The following FOXL1 variants were observed in gnomAD, a reference collection of about 807,000 sequenced individuals.
FOXL1 encodes forkhead box protein L1.
FOXL1 carries 2 observed loss-of-function variants against 1.7 expected under a neutral mutation model. That is an observed-to-expected ratio of 1.21 (90% CI 0.49 to 3.80). The LOEUF is 3.80. FOXL1 is among the 30% of genes most tolerant of loss of function. The probability of loss-of-function intolerance (pLI) is 0.07; values close to 1 mark genes in which losing one functional copy is unlikely to be tolerated. For synonymous variants in FOXL1, 280 were observed against 229.3 expected (o/e 1.22, Z -2.00); for missense variants, 565 against 495.8 (o/e 1.14, Z -1.32).
At position 86,582,597 on chromosome 16, in the gene FOXL1, A is replaced by G. The variant is rs939548096; in HGVS notation, c.*2836A>G. On this transcript the variant is annotated 3_prime_UTR_variant, in exon 1 of 1. Transcript: ENST00000320241. ...TATGGCAGGCACATGTTTGATAACA[A>G]AGTGTGTATACATATGTACACGTTT... 7.9e-5 allele frequency among the ~76,000 whole-genome samples: 12 copies of G among 152,116 alleles called. No individual in the cohort carries two copies. The highest frequency in any genetic ancestry group is 7.2e-4 in the Admixed American group (11 of 15,264).
At position 86,578,695 on chromosome 16, in the gene FOXL1, G is replaced by A. The variant is rs1321082691; in HGVS notation, c.-29G>A. ...AGGCCGCCCGGGTCTCCTGCGTTGC[G>A]GGGAGCGCAGCGCAGGCTCTCGCTT... On this transcript the variant is annotated 5_prime_UTR_variant, in exon 1 of 1. Transcript: ENST00000320241. 6 of 1,565,796 alleles carry A rather than the reference G, an allele frequency of 3.8e-6. No individual in the cohort carries two copies. The highest frequency in any genetic ancestry group is 5.2e-6 in the Non-Finnish European group (6 of 1,153,564).
rs370452719 is a variant in FOXL1 at position 86,579,786 on chromosome 16, C to G, written c.*25C>G. 3 of 1,594,156 alleles carry G rather than the reference C, an allele frequency of 1.9e-6. No individual in the cohort carries two copies. The African/African-American group carries it at 4.0e-5, about 21-fold the overall frequency. The stretch of plus-strand genomic sequence containing the variant: ...AAGCAAACAATGGCACGGTTCTTCT[C>G]CCGGCCCAGCCTGAGCCTCCGCTGA... On this transcript the variant is annotated 3_prime_UTR_variant, in exon 1 of 1. Coordinates refer to ENST00000320241, the MANE Select transcript of FOXL1 (RefSeq NM_005250.3).
In FOXL1 at chr16:86,579,305, G is replaced by T. The variant is rs941955968; in HGVS notation, c.582G>T (p.Ser194=). 104 of 1,260,652 alleles carry T rather than the reference G, an allele frequency of 8.2e-5. No homozygotes were observed. The highest frequency in any genetic ancestry group is 3.8e-4 in the Admixed American group (11 of 29,112). 78.1% of individuals were successfully genotyped at this position (1,260,652 alleles called of 1,614,324 possible). A position where few individuals can be genotyped will look rare whatever the true frequency, so the allele number is the denominator to read the frequency against. ...SRLQAAPAGP[S]PLLDGPSPPA... ...TGCAGGCAGCGCCCGCGGGCCCCTC[G>T]CCCCTCCTGGACGGCCCCTCTCCGC... The change falls in exon 1 of 1, where the codon TCG becomes TCT. Residue 194 remains serine (S), a synonymous_variant. Transcript: ENST00000320241.
In FOXL1 at chr16:86,583,382, T is replaced by C. The variant is rs1974435445; in HGVS notation, c.*3621T>C. Among the ~76,000 whole-genome samples, 1 of 152,132 alleles carries C rather than the reference T, an allele frequency of 6.6e-6. No individual in the cohort carries two copies. The highest frequency in any genetic ancestry group is 1.5e-5 in the Non-Finnish European group (1 of 68,028). On this transcript the variant is annotated 3_prime_UTR_variant, in exon 1 of 1. Coordinates refer to ENST00000320241, the MANE Select transcript of FOXL1 (RefSeq NM_005250.3). Reference sequence around the variant, plus strand: ...TGGCTTCATGGTGGATGGAGTCTTGTTTCCATGAAATAAAGGTTGTTTCAT... The same window carrying C: ...TGGCTTCATGGTGGATGGAGTCTTGCTTCCATGAAATAAAGGTTGTTTCAT...
rs1974388693 is a variant in FOXL1 at position 86,579,723 on chromosome 16, C to A, written c.1000C>A (p.Pro334Thr). 1 of 1,613,752 alleles carries A rather than the reference C, an allele frequency of 6.2e-7. No homozygotes were observed. The highest frequency in any genetic ancestry group is 1.3e-5 in the African/African-American group (1 of 75,060). Residue 334 changes from proline (P) to threonine (T), a missense_variant, in exon 1 of 1, where the codon CCC becomes ACC. By Grantham distance (38) the Pro-to-Thr change is conservative. Transcript: ENST00000320241. ...QLGIPFLSYF[P>T]LQVPDTVLHF... is the part of the protein sequence containing the mutation. ...CGGGATCCCCTTCCTCTCTTATTTC[C>A]CCCTGCAGGTTCCCGACACGGTACT...
At position 86,581,601 on chromosome 16, in the gene FOXL1, G is replaced by A. The variant is rs1056768909; in HGVS notation, c.*1840G>A. 1 of 167,124 alleles carries A rather than the reference G, an allele frequency of 6.0e-6. No homozygotes were observed. Among genetic ancestry groups the A allele is most frequent in the Non-Finnish European group, 1.5e-5 (1 of 68,130 alleles). The allele number at this position is 167,124 out of a possible 1,614,324, so 10.4% of individuals were successfully genotyped here. A position where few individuals can be genotyped will look rare whatever the true frequency, so the allele number is the denominator to read the frequency against. On this transcript the variant is annotated 3_prime_UTR_variant, in exon 1 of 1. Transcript: ENST00000320241. ...CATTGCTGAGATCCAGGCTCACTGT[G>A]ATTCACTGAAAATGTAGCGAAAGGG...
chr16:86,579,705 C>G lies in FOXL1; in HGVS notation c.982C>G (p.Pro328Ala). 1.2e-6 allele frequency: 2 copies of G among 1,605,218 alleles called. No individual in the cohort carries two copies. Among genetic ancestry groups the G allele is most frequent in the Non-Finnish European group, 1.7e-6 (2 of 1,172,522 alleles). Reference sequence around the variant, plus strand: ...GGGCGGCTTTTACCAGCTCGGGATCCCCTTCCTCTCTTATTTCCCCCTGCA... The same window carrying G: ...GGGCGGCTTTTACCAGCTCGGGATCGCCTTCCTCTCTTATTTCCCCCTGCA... ...VQGGFYQLGI[P>A]FLSYFPLQVP... The change falls in exon 1 of 1, where the codon CCC becomes GCC. Residue 328 changes from proline to alanine, a missense_variant. Pro to Ala is a conservative substitution (Grantham distance 27). Coordinates refer to ENST00000320241, the MANE Select transcript of FOXL1 (RefSeq NM_005250.3).
Position 86,579,058 on chromosome 16 carries a change from G to C in FOXL1, c.335G>C (p.Arg112Pro). The C allele has an allele frequency of 6.2e-7, 1 of 1,613,994 alleles. No individual in the cohort carries two copies. Among genetic ancestry groups the C allele is most frequent in the Non-Finnish European group, 8.5e-7 (1 of 1,179,950 alleles). The change falls in exon 1 of 1, where the codon CGC (arginine) becomes CCC (proline). Residue 112 changes from arginine to proline, a missense_variant. Coordinates refer to ENST00000320241, the MANE Select transcript of FOXL1 (RefSeq NM_005250.3). ...AACGACTGCTTCGTCAAGGTGCCCCGCGAGAAAGGGCGGCCGGGCAAGGGC... is the reference window on the plus strand; with the variant it reads ...AACGACTGCTTCGTCAAGGTGCCCCCCGAGAAAGGGCGGCCGGGCAAGGGC... Reference protein sequence around the residue: ...SLNDCFVKVPREKGRPGKGSY... With the variant: ...SLNDCFVKVPPEKGRPGKGSY...
At position 86,582,570 on chromosome 16, in the gene FOXL1, G is replaced by GAT. The variant is rs112822898; in HGVS notation, c.*2812_*2813dup. ...ATATGAGTGCACTGATCATAATGAGGATATGGCAGGCACATGTTTGATAAC... is the reference window on the plus strand; with the variant it reads ...ATATGAGTGCACTGATCATAATGAGGATATATGGCAGGCACATGTTTGATAAC... On this transcript the variant is annotated 3_prime_UTR_variant, in exon 1 of 1. Coordinates refer to ENST00000320241, the MANE Select transcript of FOXL1 (RefSeq NM_005250.3). Among the ~76,000 whole-genome samples the GAT allele has an allele frequency of 9.5e-4, 145 of 152,100 alleles. No homozygotes were observed. Among genetic ancestry groups the GAT allele is most frequent in the African/African-American group, 3.3e-3 (137 of 41,486 alleles).
Position 86,582,278 on chromosome 16 carries a change from C to A in FOXL1, c.*2517C>A, listed in dbSNP as rs1372804755. ...CCAAAAAGAGGAGGTTTGGGTCTTACCAATCCGAATAGCTGTTCTATTGAT... is the reference window on the plus strand; with the variant it reads ...CCAAAAAGAGGAGGTTTGGGTCTTAACAATCCGAATAGCTGTTCTATTGAT... On this transcript the variant is annotated 3_prime_UTR_variant, in exon 1 of 1. Coordinates refer to ENST00000320241, the MANE Select transcript of FOXL1 (RefSeq NM_005250.3). 2 of 152,152 alleles carry A rather than the reference C, an allele frequency of 1.3e-5. No individual in the cohort carries two copies. The highest frequency in any genetic ancestry group is 2.9e-5 in the Non-Finnish European group (2 of 68,030). 9.4% of individuals were successfully genotyped at this position (152,152 alleles called of 1,614,324 possible). A position where few individuals can be genotyped will look rare whatever the true frequency, so the allele number is the denominator to read the frequency against.
rs1278269048 is a variant in FOXL1, at chr16:86,578,832, G to A, written c.109G>A (p.Ala37Thr). The change falls in exon 1 of 1, where the codon GCT becomes ACT. Residue 37 changes from alanine to threonine, a missense_variant. Coordinates refer to ENST00000320241, the MANE Select transcript of FOXL1 (RefSeq NM_005250.3). ...CCCTCTGGCCTTCGCCCCCGCGGCT[G>A]CTCTAGCTGCCTCGGGCCGGGCCGA... ...GLPLAFAPAAALAASGRAETP... is the reference protein window; with the variant it reads ...GLPLAFAPAATLAASGRAETP... 5.0e-6 allele frequency: 8 copies of A among 1,613,714 alleles called. No individual in the cohort carries two copies. The East Asian group carries it at 8.9e-5, about 18-fold the overall frequency.
rs1455820389 is a variant in FOXL1 at position 86,582,592 on chromosome 16, TAAC to T, written c.*2834_*2836del. On this transcript the variant is annotated 3_prime_UTR_variant, in exon 1 of 1. Transcript: ENST00000320241. Reference sequence around the variant, plus strand: ...GAGGATATGGCAGGCACATGTTTGATAACAAAGTGTGTATACATATGTACACGT... The same window carrying T: ...GAGGATATGGCAGGCACATGTTTGATAAAGTGTGTATACATATGTACACGT... Among the ~76,000 whole-genome samples the T allele has an allele frequency of 3.3e-5, 5 of 152,178 alleles. No individual in the cohort carries two copies. The highest frequency in any genetic ancestry group is 9.7e-5 in the African/African-American group (4 of 41,444).
At position 86,579,245 on chromosome 16, in the gene FOXL1, C is replaced by T. The variant is rs749927112; in HGVS notation, c.522C>T (p.Ser174=). ...RSAEAQPEAG[S]GAGGSGPAIS... ...CGGAGGCGCAGCCGGAGGCGGGGAGCGGGGCAGGGGGCTCGGGCCCCGCAA... is the reference window on the plus strand; with the variant it reads ...CGGAGGCGCAGCCGGAGGCGGGGAGTGGGGCAGGGGGCTCGGGCCCCGCAA... The change falls in exon 1 of 1, where the codon AGC becomes AGT. Residue 174 remains serine (S), a synonymous_variant. Transcript: ENST00000320241. 2.7e-6 allele frequency: 4 copies of T among 1,507,724 alleles called. No homozygotes were observed. The highest frequency in any genetic ancestry group is 3.5e-6 in the Non-Finnish European group (4 of 1,132,868). The allele number at this position is 1,507,724 out of a possible 1,614,324, so 93.4% of individuals were successfully genotyped here.
rs763736974 is a variant in FOXL1 at position 86,579,226 on chromosome 16, C to G, written c.503C>G (p.Ala168Gly). ...GAGACGCACCAGCGCAGCGCGGAGG[C>G]GCAGCCGGAGGCGGGGAGCGGGGCA... ...RAETHQRSAE[A>G]QPEAGSGAGG... Residue 168 changes from alanine (A) to glycine (G), a missense_variant, in exon 1 of 1, where the codon GCG becomes GGG. Ala to Gly is a moderately conservative substitution (Grantham distance 60). Transcript: ENST00000320241. 2 of 1,539,380 alleles carry G rather than the reference C, an allele frequency of 1.3e-6. No homozygotes were observed. The highest frequency in any genetic ancestry group is 2.1e-5 in the Admixed American group (1 of 48,090).
At position 86,582,835 on chromosome 16, in the gene FOXL1, T is replaced by C. The variant is rs930798534; in HGVS notation, c.*3074T>C. On this transcript the variant is annotated 3_prime_UTR_variant, in exon 1 of 1. Coordinates refer to ENST00000320241, the MANE Select transcript of FOXL1 (RefSeq NM_005250.3). ...TTAAAAATAGATAATAATTTCTATATAGCTTTAATAGTTTTGTTTCTCTAT... is the reference window on the plus strand; with the variant it reads ...TTAAAAATAGATAATAATTTCTATACAGCTTTAATAGTTTTGTTTCTCTAT... 4.6e-5 allele frequency among the ~76,000 whole-genome samples: 7 copies of C among 152,050 alleles called. No homozygotes were observed. In the East Asian group the frequency reaches 1.2e-3, roughly 25 times the overall value.
In FOXL1 at chr16:86,579,756, C is replaced by A. The variant is rs919070291; in HGVS notation, c.1033C>A (p.Gln345Lys). 1.9e-6 allele frequency: 3 copies of A among 1,611,828 alleles called. No individual in the cohort carries two copies. The highest frequency in any genetic ancestry group is 1.7e-4 in the Middle Eastern group (1 of 6,054). The change falls in exon 1 of 1, where the codon CAG becomes AAG. Residue 345 changes from glutamine (Q) to lysine (K), a missense_variant. By Grantham distance (53) the Gln-to-Lys change is moderately conservative. Coordinates refer to ENST00000320241, the MANE Select transcript of FOXL1 (RefSeq NM_005250.3). ...GGTTCCCGACACGGTACTCCACTTCCAGTAAAGCAAACAATGGCACGGTTC... is the reference window on the plus strand; with the variant it reads ...GGTTCCCGACACGGTACTCCACTTCAAGTAAAGCAAACAATGGCACGGTTC... ...LQVPDTVLHF[Q>K]
chr16:86,581,450 C>G lies in FOXL1; in HGVS notation c.*1689C>G, dbSNP rs989815237. ...GGATAATTCACAGGCATAGAGGTGA[C>G]TTTTGGAAAATTCATTCTCCTATCC... On this transcript the variant is annotated 3_prime_UTR_variant, in exon 1 of 1. Coordinates refer to ENST00000320241, the MANE Select transcript of FOXL1 (RefSeq NM_005250.3). The G allele has an allele frequency of 6.0e-6, 1 of 167,088 alleles. No individual in the cohort carries two copies. The highest frequency in any genetic ancestry group is 1.5e-5 in the Non-Finnish European group (1 of 68,120). 10.4% of individuals were successfully genotyped at this position (167,088 alleles called of 1,614,324 possible). A position where few individuals can be genotyped will look rare whatever the true frequency, so the allele number is the denominator to read the frequency against.
Position 86,579,292 on chromosome 16 carries a change from C to T in FOXL1, c.569C>T (p.Pro190Leu). ...GCAATCTCCCGCCTGCAGGCAGCGC[C>T]CGCGGGCCCCTCGCCCCTCCTGGAC... ...GPAISRLQAAPAGPSPLLDGP... is the reference protein window; with the variant it reads ...GPAISRLQAALAGPSPLLDGP... The change falls in exon 1 of 1, where the codon CCC becomes CTC. Residue 190 changes from proline to leucine, a missense_variant. Coordinates refer to ENST00000320241, the MANE Select transcript of FOXL1 (RefSeq NM_005250.3). 7.1e-7 allele frequency: 1 copy of T among 1,417,586 alleles called. No homozygotes were observed. Among genetic ancestry groups the T allele is most frequent in the Non-Finnish European group, 9.2e-7 (1 of 1,092,036 alleles). The allele number at this position is 1,417,586 out of a possible 1,614,324, so 87.8% of individuals were successfully genotyped here. A position where few individuals can be genotyped will look rare whatever the true frequency, so the allele number is the denominator to read the frequency against.
rs1419064702 is a variant in FOXL1, at chr16:86,579,044, C to T, written c.321C>T (p.Phe107=). 2 of 1,614,172 alleles carry T rather than the reference C, an allele frequency of 1.2e-6. No individual in the cohort carries two copies. Among genetic ancestry groups the T allele is most frequent in the Admixed American group, 1.7e-5 (1 of 60,038 alleles). The change falls in exon 1 of 1, where the codon TTC becomes TTT. Residue 107 remains phenylalanine (F), a synonymous_variant. Transcript: ENST00000320241. ...IRHNLSLNDC[F]VKVPREKGRP... is the part of the protein sequence containing the mutation. Reference sequence around the variant, plus strand: ...ACAACCTCTCGCTCAACGACTGCTTCGTCAAGGTGCCCCGCGAGAAAGGGC... The same window carrying T: ...ACAACCTCTCGCTCAACGACTGCTTTGTCAAGGTGCCCCGCGAGAAAGGGC...
Sources: gnomAD v4.1 joint callset for allele counts (sites outside exome capture counted in the v4.1 genomes callset) on GRCh38, gnomAD v4.1.1 for gene constraint, MANE v1.5 for transcripts, NCBI Gene and HGNC (gene_info 2026-07-23, HGNC 2026-07-21) for gene names.